CCSER1: variants seen among roughly 807,000 people sequenced by gnomAD.
CCSER1 encodes the protein serine-rich coiled-coil domain-containing protein 1.
CCSER1 carries 41 observed loss-of-function variants against 82.0 expected under a neutral mutation model. The ratio of observed to expected loss-of-function variants is 0.50; its 90% CI spans 0.39 to 0.65. CCSER1 has a LOEUF of 0.65. Ranked by LOEUF, CCSER1 falls within the 30% of genes least tolerant of loss-of-function variation. The pLI, the probability that CCSER1 is intolerant of heterozygous loss-of-function variation, is 0.00. For missense variants in CCSER1, 1,119 were observed against 1,064.2 expected (o/e 1.05, Z -0.72); for synonymous variants, 414 against 383.9 (o/e 1.08, Z -0.92).
At chr4:90,616,679 TGTCTCACACACACA>T (rs1187571274) in intron 5 of CCSER1, among the ~76,000 whole-genome samples, 2 of 135,574 alleles carry the variant, frequency 1.5e-5, no homozygotes, top group Non-Finnish European at 3.1e-5. Flanking sequence ...AGTGTGGCTC[TGTCTCACACACACA>T]CACACACACA....
chr4:91,407,067 G>T (rs1473601254), intron 10 of CCSER1, among the ~76,000 whole-genome samples: 1 of 152,040 alleles, frequency 6.6e-6, no homozygotes, highest in Non-Finnish European at 1.5e-5. Flanking sequence ...TTCTTGCTTT[G>T]CTGCACACCT....
intron 10 of CCSER1, among the ~76,000 whole-genome samples, chr4:91,162,800 G>T (rs1731571034): frequency 6.6e-6 from 1 of 151,968 alleles, no homozygotes; most frequent in Non-Finnish European, 1.5e-5. Flanking sequence ...TTTTTATTGT[G>T]TCTATTTGAT....
chr4:91,580,823 T>C (rs899353415), intron 10 of CCSER1, among the ~76,000 whole-genome samples: 1 of 151,688 alleles, frequency 6.6e-6, no homozygotes, highest in Admixed American at 6.6e-5. Flanking sequence ...AGATGCTTCA[T>C]TTTTATTTTT....
chr4:91,090,279 C>T (rs1004562511), intron 10 of CCSER1, among the ~76,000 whole-genome samples: 2 of 152,164 alleles, frequency 1.3e-5, no homozygotes, highest in Non-Finnish European at 2.9e-5. Context: ...ACACAGCTAC[C>T]TGTCCACTGA....
At chr4:91,307,129 A>G (rs186059805) in intron 10 of CCSER1, among the ~76,000 whole-genome samples, 419 of 152,086 alleles carry the variant, frequency 2.8e-3, no homozygotes, top group Non-Finnish European at 4.4e-3. Flanking sequence ...TAGGTACCCA[A>G]TGATTTTTGA....
At chr4:91,588,040 A>G (rs1249218441) in intron 10 of CCSER1, among the ~76,000 whole-genome samples, 2 of 151,660 alleles carry the variant, frequency 1.3e-5, no homozygotes, top group Non-Finnish European at 3.0e-5. Context: ...CAATTATTTT[A>G]GATCTTTGCA....
At chr4:90,305,705 A>C (rs574683672) in intron 1 of CCSER1, among the ~76,000 whole-genome samples, 4 of 152,336 alleles carry the variant, frequency 2.6e-5, no homozygotes, top group Non-Finnish European at 4.4e-5. Context: ...ATATGGAGAA[A>C]AGGGAACTCT....
At position 91,349,264 on chromosome 4, in the gene CCSER1, T is replaced by C. The variant is rs530160653; in HGVS notation, c.2218-249308T>C. Among the ~76,000 whole-genome samples, 15 of 151,804 alleles carry C rather than the reference T, an allele frequency of 9.9e-5. No homozygotes were observed. In the Middle Eastern group the frequency reaches 0.01, roughly 103 times the overall value. ...TATGTTTTTGACTAAGGGTTGGGTG[T>C]TTTTTTTACTGTTTGCTGTAGCTAT... On this transcript the variant is annotated intron_variant, in intron 10 of 10. Transcript: ENST00000509176.
intron 7 of CCSER1, among the ~76,000 whole-genome samples, chr4:90,814,690 C>T (rs1353017177): frequency 1.3e-5 from 2 of 152,168 alleles, no homozygotes; most frequent in Non-Finnish European, 2.9e-5. Context: ...TTTCACAGAT[C>T]TGTAGGGCAG....
chr4:91,207,528 G>T (rs1382130032), intron 10 of CCSER1, among the ~76,000 whole-genome samples: 1 of 151,784 alleles, frequency 6.6e-6, no homozygotes, highest in Non-Finnish European at 1.5e-5. Context: ...ATGGCCTCCA[G>T]TTCCATACAT....
At chr4:90,243,662 A>G (rs1163146801) in intron 1 of CCSER1, among the ~76,000 whole-genome samples, 1 of 152,140 alleles carries the variant, frequency 6.6e-6, no homozygotes, top group East Asian at 1.9e-4. Context: ...CGCTGGGGTT[A>G]CAGACATGTG....
intron 10 of CCSER1, among the ~76,000 whole-genome samples, chr4:91,185,301 C>A (rs1734417656): frequency 6.6e-6 from 1 of 152,176 alleles, no homozygotes; most frequent in Non-Finnish European, 1.5e-5. Flanking sequence ...CTCTGCTTTC[C>A]AGGGAACAGA....
chr4:91,264,223 AAAGAAGTGCTGC>A (rs1741401305), intron 10 of CCSER1, among the ~76,000 whole-genome samples: 1 of 151,800 alleles, frequency 6.6e-6, no homozygotes, highest in Admixed American at 6.6e-5. Flanking sequence ...AAAGAACTGT[AAAGAAGTGCTGC>A]CATCTTTGCT....
intron 5 of CCSER1, among the ~76,000 whole-genome samples, chr4:90,592,723 G>A (rs1782861523): frequency 6.6e-6 from 1 of 151,802 alleles, no homozygotes; most frequent in Non-Finnish European, 1.5e-5. Context: ...TATTGAATTA[G>A]AGTAGGGGAA....
intron 5 of CCSER1, among the ~76,000 whole-genome samples, chr4:90,601,217 C>T (rs574784475): frequency 4.7e-4 from 72 of 152,006 alleles, no homozygotes; most frequent in African/African-American, 1.7e-3. Flanking sequence ...CAGCAGACAT[C>T]CCTGTTTTTT....
intron 10 of CCSER1, among the ~76,000 whole-genome samples, chr4:91,300,808 T>G (rs959942413): frequency 6.6e-6 from 1 of 151,894 alleles, no homozygotes; most frequent in Non-Finnish European, 1.5e-5. Context: ...ATGAATGATA[T>G]ATGATATATT....
intron 3 of CCSER1, among the ~76,000 whole-genome samples, chr4:90,392,287 A>T (rs957503775): frequency 7.2e-5 from 11 of 152,014 alleles, no homozygotes; most frequent in Non-Finnish European, 1.5e-4. Flanking sequence ...TTAAAATGAA[A>T]GTGTTCTGAG....
intron 3 of CCSER1, among the ~76,000 whole-genome samples, chr4:90,381,009 T>C (rs924786572): frequency 1.3e-5 from 2 of 152,230 alleles, no homozygotes; most frequent in African/African-American, 4.8e-5. Context: ...AGTTGGGCAC[T>C]GATGGCACCC....
intron 9 of CCSER1, among the ~76,000 whole-genome samples, chr4:91,079,885 C>T (rs1200016180): frequency 1.3e-5 from 2 of 152,272 alleles, no homozygotes; most frequent in East Asian, 3.9e-4. Context: ...AATTTATAGG[C>T]ACCCAATACA....
Sources: allele counts gnomAD v4.1 joint callset (sites outside exome capture counted in the v4.1 genomes callset), GRCh38; gene constraint gnomAD v4.1.1; transcripts MANE v1.5; gene names NCBI Gene and HGNC (gene_info 2026-07-23, HGNC 2026-07-21).